Variants in SIPA1L1 observed in about 807,000 individuals in gnomAD.
The protein encoded by SIPA1L1 is signal-induced proliferation-associated 1-like protein 1.
Under a neutral mutation model 162.7 loss-of-function variants are expected in SIPA1L1, and 26 were observed. That is an observed-to-expected ratio of 0.16 (90% CI 0.12 to 0.22). The LOEUF is 0.22. SIPA1L1 is among the 10% of genes least tolerant of loss of function. The pLI is 1.00. For synonymous variants in SIPA1L1, 829 were observed against 837.4 expected (o/e 0.99, Z 0.17); for missense variants, 1,874 against 2,241.0 (o/e 0.84, Z 3.31).
intron 22 of SIPA1L1, chr14:71,735,696 TGC>T: frequency 3.9e-6 from 1 of 258,360 alleles, no homozygotes; most frequent in East Asian, 9.0e-5. Flanking sequence ...AGTATTCCTG[TGC>T]TCTGTGCTGT....
chr14:71,479,773 G>T (rs549194408), intron 2 of SIPA1L1, among the ~76,000 whole-genome samples: 1 of 151,996 alleles, frequency 6.6e-6, no homozygotes, highest in African/African-American at 2.4e-5. Context: ...TGTCACCCAC[G>T]CAGGAGTGCC....
chr14:71,718,875 CTGT>C (rs1435218841), intron 17 of SIPA1L1, among the ~76,000 whole-genome samples: 3 of 152,076 alleles, frequency 2.0e-5, no homozygotes, highest in African/African-American at 7.2e-5. Flanking sequence ...GTCCACTATA[CTGT>C]TGATGAACAT....
intron 4 of SIPA1L1, among the ~76,000 whole-genome samples, chr14:71,531,235 A>T (rs1303281902): frequency 1.3e-5 from 2 of 151,704 alleles, no homozygotes; most frequent in Admixed American, 1.3e-4. Context: ...TGTAGTCCAA[A>T]TGATGCTTCT....
chr14:71,487,634 G>T (rs551275849), intron 2 of SIPA1L1, among the ~76,000 whole-genome samples: 81 of 152,268 alleles, frequency 5.3e-4, no homozygotes, highest in Non-Finnish European at 1.5e-5. Context: ...GAGCTCTCCA[G>T]TGTCCACTTT....
At chr14:71,614,679 T>G (rs971314193) in intron 5 of SIPA1L1, among the ~76,000 whole-genome samples, 2 of 152,226 alleles carry the variant, frequency 1.3e-5, no homozygotes, top group African/African-American at 4.8e-5. Context: ...AGCTAGAGTA[T>G]GAAGAAAGTG....
In SIPA1L1 at chr14:71,515,358, A is replaced by G. The variant is rs17111631; in HGVS notation, c.-362+2513A>G. On this transcript the variant is annotated intron_variant, in intron 3 of 23. Coordinates refer to ENST00000381232, the MANE Select transcript of SIPA1L1 (RefSeq NM_001386936.1). Reference sequence around the variant, plus strand: ...GAAAACTAATGGTTTGCTGAAACATATCTCTAGTGTATTCTATAGCAATTC... The same window carrying G: ...GAAAACTAATGGTTTGCTGAAACATGTCTCTAGTGTATTCTATAGCAATTC... Among the ~76,000 whole-genome samples, 2,292 of 152,324 alleles carry G rather than the reference A, an allele frequency of 0.015. 168 individuals carry two copies. The East Asian group carries it at 0.24, about 16-fold the overall frequency.
At chr14:71,359,848 T>A (rs1270345237) in intron 2 of SIPA1L1, among the ~76,000 whole-genome samples, 2 of 152,216 alleles carry the variant, frequency 1.3e-5, no homozygotes, top group African/African-American at 4.8e-5. Context: ...GTTCTTTAGA[T>A]CTTAAAATCG....
At chr14:71,408,735 C>T (rs2042201612) in intron 2 of SIPA1L1, among the ~76,000 whole-genome samples, 1 of 152,180 alleles carries the variant, frequency 6.6e-6, no homozygotes, top group Admixed American at 6.5e-5. Context: ...GGAATCTCTT[C>T]CTTAGAAGCC....
chr14:71,440,276 C>G (rs963592628), intron 2 of SIPA1L1, among the ~76,000 whole-genome samples: 4 of 152,092 alleles, frequency 2.6e-5, no homozygotes, highest in Non-Finnish European at 5.9e-5. Flanking sequence ...GTCTGCCTGT[C>G]TCCACCTCCC....
At chr14:71,464,587 G>A (rs2046844634) in intron 2 of SIPA1L1, among the ~76,000 whole-genome samples, 1 of 152,072 alleles carries the variant, frequency 6.6e-6, no homozygotes, top group Non-Finnish European at 1.5e-5. Flanking sequence ...GTTGCAGTGA[G>A]CCCAAATCAT....
At chr14:71,505,881 G>A (rs943073857) in intron 2 of SIPA1L1, among the ~76,000 whole-genome samples, 3 of 151,460 alleles carry the variant, frequency 2.0e-5, no homozygotes, top group African/African-American at 7.3e-5. Flanking sequence ...TGTATAAGGT[G>A]TATATGAAAC....
At chr14:71,725,183 A>G (rs2084116835) in intron 19 of SIPA1L1, among the ~76,000 whole-genome samples, 1 of 152,242 alleles carries the variant, frequency 6.6e-6, no homozygotes, top group African/African-American at 2.4e-5. Context: ...ATGGAAAGCT[A>G]GAACGTTTTC....
chr14:71,725,026 A>G (rs570383400), intron 19 of SIPA1L1, among the ~76,000 whole-genome samples, 191 bp downstream of exon 19: 1 of 152,262 alleles, frequency 6.6e-6, no homozygotes, highest in East Asian at 1.9e-4. Flanking sequence ...CTGCAGCCAC[A>G]TCTCATTAGT....
intron 12 of SIPA1L1, among the ~76,000 whole-genome samples, chr14:71,675,092 G>T (rs2044994942): frequency 6.6e-6 from 1 of 152,222 alleles, no homozygotes; most frequent in Non-Finnish European, 1.5e-5. Context: ...CTATGGTGCA[G>T]ATACTCCCAC....
At chr14:71,645,048 G>A (rs554545930) in intron 7 of SIPA1L1, among the ~76,000 whole-genome samples, 1 of 152,196 alleles carries the variant, frequency 6.6e-6, no homozygotes, top group African/African-American at 2.4e-5. Context: ...CTTTCCGGGG[G>A]CTCTAAGGGT....
intron 7 of SIPA1L1, among the ~76,000 whole-genome samples, chr14:71,649,581 A>C (rs988778539): frequency 2.0e-5 from 3 of 152,232 alleles, no homozygotes; most frequent in African/African-American, 7.2e-5. Flanking sequence ...TGGACTTTTC[A>C]ATGATGAATA....
intron 5 of SIPA1L1, among the ~76,000 whole-genome samples, chr14:71,607,807 A>G (rs113978230): frequency 1.3e-3 from 193 of 152,310 alleles, no homozygotes; most frequent in Middle Eastern, 3.4e-3. Context: ...CACCATCCAC[A>G]TAAAAAGATC....
At chr14:71,425,749 T>C (rs2043512926) in intron 2 of SIPA1L1, among the ~76,000 whole-genome samples, 1 of 152,278 alleles carries the variant, frequency 6.6e-6, no homozygotes, top group Non-Finnish European at 1.5e-5. Context: ...GTCCTCTGTT[T>C]CCTTGTATCC....
intron 4 of SIPA1L1, among the ~76,000 whole-genome samples, chr14:71,544,551 A>G (rs1270946147): frequency 6.6e-6 from 1 of 151,986 alleles, no homozygotes; most frequent in Non-Finnish European, 1.5e-5. Context: ...CAATATTGGG[A>G]AGATATTTTC....
Sources: allele counts gnomAD v4.1 joint callset (sites outside exome capture counted in the v4.1 genomes callset), GRCh38; gene constraint gnomAD v4.1.1; transcripts MANE v1.5; gene names NCBI Gene and HGNC (gene_info 2026-07-23, HGNC 2026-07-21).